PDS5B: variants seen among roughly 807,000 people sequenced by gnomAD.
PDS5B encodes the protein sister chromatid cohesion protein PDS5 homolog B.
PDS5B carries 51 observed loss-of-function variants against 184.1 expected under a neutral mutation model. The observed-to-expected ratio is 0.28, with a 90% CI of 0.22 to 0.35. The LOEUF (loss-of-function observed/expected upper bound fraction) is 0.35. Among genes scored for constraint, PDS5B ranks in the 10% least tolerant of loss-of-function variants. The probability of loss-of-function intolerance (pLI) is 1.00; values close to 1 mark genes in which losing one functional copy is unlikely to be tolerated. For missense variants in PDS5B, 1,180 were observed against 1,723.3 expected (o/e 0.68, Z 5.58); for synonymous variants, 566 against 569.2 (o/e 0.99, Z 0.08).
chr13:32,645,700 T>C (rs1311252567), intron 1 of PDS5B, among the ~76,000 whole-genome samples: 1 of 152,234 alleles, frequency 6.6e-6, no homozygotes, highest in African/African-American at 2.4e-5. Context: ...TTTCTTGTTA[T>C]CTGTTTTGTT....
intron 20 of PDS5B, among the ~76,000 whole-genome samples, chr13:32,734,015 A>AT (rs1555312887): frequency 3.4e-5 from 2 of 58,156 alleles, no homozygotes; most frequent in East Asian, 8.8e-4. Flanking sequence ...CACACACACA[A>AT]ACATATATTT....
At chr13:32,656,977 G>T (rs906279549) in intron 3 of PDS5B, among the ~76,000 whole-genome samples, 4 of 152,224 alleles carry the variant, frequency 2.6e-5, no homozygotes, top group African/African-American at 9.6e-5. Context: ...AAAATTTGCT[G>T]AAGATTGTTT....
chr13:32,718,676 A>G (rs370022809), intron 19 of PDS5B, among the ~76,000 whole-genome samples: 27 of 152,350 alleles, frequency 1.8e-4, no homozygotes, highest in African/African-American at 5.8e-4. Context: ...AAGAAATACA[A>G]GTGTGGGAAA....
At chr13:32,612,853 C>T (rs1234804057) in intron 1 of PDS5B, among the ~76,000 whole-genome samples, 1 of 152,114 alleles carries the variant, frequency 6.6e-6, no homozygotes, top group Non-Finnish European at 1.5e-5. Context: ...TAATTGTCAG[C>T]CAAATAAATT....
chr13:32,735,599 G>T (rs897597746), intron 21 of PDS5B, among the ~76,000 whole-genome samples: 2 of 151,938 alleles, frequency 1.3e-5, no homozygotes, highest in South Asian at 2.1e-4. Context: ...GATTTACAGG[G>T]GTTTAATTTT....
At chr13:32,614,914 A>G (rs1242768098) in intron 1 of PDS5B, among the ~76,000 whole-genome samples, 4 of 152,214 alleles carry the variant, frequency 2.6e-5, no homozygotes. Flanking sequence ...AAAGTTCTCC[A>G]GTAGAGATTG....
At chr13:32,664,358 C>A (rs774517908) in intron 6 of PDS5B, among the ~76,000 whole-genome samples, 56 of 152,116 alleles carry the variant, frequency 3.7e-4, no homozygotes, top group Admixed American at 2.4e-3. Context: ...AGCATAATTT[C>A]AAAAAATTTT....
intron 7 of PDS5B, among the ~76,000 whole-genome samples, chr13:32,672,189 CA>C (rs1208819914): frequency 6.6e-6 from 1 of 151,902 alleles, no homozygotes; most frequent in African/African-American, 2.4e-5. Context: ...AGTTTTTCAT[CA>C]AAAATAAAAA....
chr13:32,647,269 A>G (rs970288362), intron 1 of PDS5B, among the ~76,000 whole-genome samples: 4 of 151,996 alleles, frequency 2.6e-5, no homozygotes, highest in African/African-American at 9.7e-5. Context: ...CACTCCGGAT[A>G]ATTTCTTATG....
chr13:32,685,093 A>G (rs930427703), intron 11 of PDS5B, among the ~76,000 whole-genome samples: 2 of 152,220 alleles, frequency 1.3e-5, no homozygotes, highest in African/African-American at 4.8e-5. Context: ...AGCCTGGGTG[A>G]CAAGAGTGAG....
At chr13:32,643,596 ATACTGTATT>A (rs1422073153) in intron 1 of PDS5B, among the ~76,000 whole-genome samples, 3 of 152,098 alleles carry the variant, frequency 2.0e-5, no homozygotes, top group Admixed American at 1.3e-4. Flanking sequence ...TAAGCTTATA[ATACTGTATT>A]TGTACTGTAT....
intron 21 of PDS5B, among the ~76,000 whole-genome samples, chr13:32,739,902 T>A (rs1953479373): frequency 1.3e-5 from 2 of 152,210 alleles, no homozygotes. Flanking sequence ...ATTGTATCTT[T>A]TGTGGCTTTA....
intron 19 of PDS5B, among the ~76,000 whole-genome samples, chr13:32,721,789 C>T (rs1952718483): frequency 6.6e-6 from 1 of 151,584 alleles, no homozygotes; most frequent in African/African-American, 2.4e-5. Flanking sequence ...TCCTCACATC[C>T]CAGACAATGG....
At chr13:32,628,796 A>G (rs1417079149) in intron 1 of PDS5B, among the ~76,000 whole-genome samples, 1 of 152,112 alleles carries the variant, frequency 6.6e-6, no homozygotes, top group Non-Finnish European at 1.5e-5. Flanking sequence ...CTTTGTAATG[A>G]CTGCATAATA....
intron 31 of PDS5B, among the ~76,000 whole-genome samples, chr13:32,765,252 A>G (rs1954547322): frequency 1.3e-5 from 2 of 152,226 alleles, no homozygotes; most frequent in Non-Finnish European, 1.5e-5. Flanking sequence ...TTAATAACTA[A>G]TTAGGCTATC....
At chr13:32,612,867 A>T (rs2058164482) in intron 1 of PDS5B, among the ~76,000 whole-genome samples, 1 of 152,158 alleles carries the variant, frequency 6.6e-6, no homozygotes, top group Non-Finnish European at 1.5e-5. Flanking sequence ...ATAAATTTTC[A>T]TTCATTATGA....
At chr13:32,658,595 A>T (rs1950572492) in intron 5 of PDS5B, 64 bp downstream of exon 5, 1 of 758,834 alleles carries the variant, frequency 1.3e-6, no homozygotes, top group African/African-American at 1.8e-5. Context: ...CTTGTAGGTG[A>T]ATCTGCATAA....
At chr13:32,683,302 C>G (rs1347944602) in intron 10 of PDS5B, among the ~76,000 whole-genome samples, 1 of 151,422 alleles carries the variant, frequency 6.6e-6, no homozygotes, top group South Asian at 2.1e-4. Flanking sequence ...AGCTACCACG[C>G]CTGGCCTTTA....
intron 13 of PDS5B, chr13:32,688,994 C>T (rs1211879358): frequency 5.6e-6 from 1 of 177,034 alleles, no homozygotes; most frequent in Non-Finnish European, 1.2e-5. Flanking sequence ...ATAGCCTGAG[C>T]AGCACCGTGT....
Sources: allele counts gnomAD v4.1 joint callset (sites outside exome capture counted in the v4.1 genomes callset), GRCh38; gene constraint gnomAD v4.1.1; transcripts MANE v1.5; gene names NCBI Gene and HGNC (gene_info 2026-07-23, HGNC 2026-07-21).